FREM3: variants seen among roughly 807,000 people sequenced by gnomAD.
The protein encoded by FREM3 is FRAS1 related extracellular matrix 3, also known as FRAS1-related extracellular matrix protein 3.
FREM3 carries 105 observed loss-of-function variants against 129.1 expected under a neutral mutation model. The observed-to-expected ratio is 0.81, with a 90% CI of 0.69 to 0.96. FREM3 has a LOEUF of 0.96. Among genes scored for constraint, FREM3 ranks in the 40% least tolerant of loss-of-function variants. The pLI is 0.00. For missense variants in FREM3, 2,593 were observed against 2,666.3 expected (o/e 0.97, Z 0.61); for synonymous variants, 1,014 against 1,044.9 (o/e 0.97, Z 0.57).
Position 143,577,522 on chromosome 4 carries a change from T to TC in FREM3, c.*88dup. ...CAATGACAGTACAATATCACTGATA[T>TC]CCCAGAATTGCTAAGATCTATAAAC... is the stretch of plus-strand genomic sequence containing the variant. On this transcript the variant is annotated 3_prime_UTR_variant, in exon 8 of 8. Transcript: ENST00000329798. 1 of 1,246,106 alleles carries TC rather than the reference T, an allele frequency of 8.0e-7. No homozygotes were observed. Among genetic ancestry groups the TC allele is most frequent in the Non-Finnish European group, 1.1e-6 (1 of 916,262 alleles). The allele number at this position is 1,246,106 out of a possible 1,614,324, so 77.2% of individuals were successfully genotyped here.
At chr4:143,693,549 A>G (rs1210934982) in intron 1 of FREM3, among the ~76,000 whole-genome samples, 1 of 152,228 alleles carries the variant, frequency 6.6e-6, no homozygotes, top group East Asian at 1.9e-4. Flanking sequence ...GAGATTCCTC[A>G]GAGAGCTAAA....
At chr4:143,686,751 T>C (rs953493761) in intron 2 of FREM3, among the ~76,000 whole-genome samples, 2 of 152,120 alleles carry the variant, frequency 1.3e-5, no homozygotes, top group African/African-American at 4.8e-5. Flanking sequence ...AAAATCAAGA[T>C]GGAAATTAAA....
chr4:143,577,445 T>C lies in FREM3; in HGVS notation c.*166A>G. On this transcript the variant is annotated 3_prime_UTR_variant, in exon 8 of 8. Transcript: ENST00000329798. ...TGTTTTCTAGGTATATATATTTCTA[T>C]CTCCATGCAGTCATATAAATTACAT... is the stretch of plus-strand genomic sequence containing the variant. The C allele has an allele frequency of 3.3e-6, 2 of 614,888 alleles. No individual in the cohort carries two copies. The highest frequency in any genetic ancestry group is 5.5e-6 in the Non-Finnish European group (2 of 361,582). 38.1% of individuals were successfully genotyped at this position (614,888 alleles called of 1,614,324 possible).
intron 6 of FREM3, among the ~76,000 whole-genome samples, chr4:143,590,812 G>A (rs1418663723): frequency 6.6e-6 from 1 of 152,098 alleles, no homozygotes; most frequent in Non-Finnish European, 1.5e-5. Context: ...CAGAAGAAAT[G>A]GTACCAGCTC....
At chr4:143,645,952 C>T (rs1356779652) in intron 2 of FREM3, among the ~76,000 whole-genome samples, 1 of 152,060 alleles carries the variant, frequency 6.6e-6, no homozygotes, top group East Asian at 1.9e-4. Flanking sequence ...GTTTTGTTTG[C>T]TTGTTTTAAT....
chr4:143,660,865 T>C (rs927263416), intron 2 of FREM3, among the ~76,000 whole-genome samples: 2 of 152,222 alleles, frequency 1.3e-5, no homozygotes, highest in African/African-American at 4.8e-5. Context: ...GGGAGTTCAC[T>C]CATGATTTGG....
intron 1 of FREM3, among the ~76,000 whole-genome samples, chr4:143,693,567 C>A (rs1430386254): frequency 6.6e-6 from 1 of 152,162 alleles, no homozygotes; most frequent in Non-Finnish European, 1.5e-5. Flanking sequence ...AAAAACAGAA[C>A]TATCATTCAA....
chr4:143,681,474 G>C (rs1740248942), intron 2 of FREM3, among the ~76,000 whole-genome samples: 3 of 152,112 alleles, frequency 2.0e-5, no homozygotes, highest in Admixed American at 1.3e-4. Context: ...GCACAGTTCA[G>C]AGCTTTAGAA....
chr4:143,643,812 C>T (rs747400134), intron 2 of FREM3, among the ~76,000 whole-genome samples: 26 of 152,124 alleles, frequency 1.7e-4, no homozygotes, highest in Middle Eastern at 3.4e-3. Flanking sequence ...AGAAGAGAGG[C>T]TTTTGAATGT....
At chr4:143,597,846 A>T (rs1349557981) in intron 6 of FREM3, among the ~76,000 whole-genome samples, 3 of 152,272 alleles carry the variant, frequency 2.0e-5, no homozygotes, top group Admixed American at 6.5e-5. Flanking sequence ...ACAGATTCAA[A>T]TACCACATAA....
intron 2 of FREM3, among the ~76,000 whole-genome samples, chr4:143,671,311 G>A (rs757435357): frequency 9.2e-5 from 14 of 151,952 alleles, no homozygotes; most frequent in Admixed American, 2.6e-4. Context: ...CTCCCTCTCC[G>A]CTTTAACTCG....
intron 2 of FREM3, among the ~76,000 whole-genome samples, chr4:143,660,980 T>C (rs1048777862): frequency 2.0e-5 from 3 of 152,194 alleles, no homozygotes; most frequent in African/African-American, 4.8e-5. Flanking sequence ...TAAGGAGATT[T>C]TGGGTTGAGA....
chr4:143,584,058 A>G (rs1738193931), intron 7 of FREM3, among the ~76,000 whole-genome samples: 3 of 152,258 alleles, frequency 2.0e-5, no homozygotes, highest in Non-Finnish European at 2.9e-5. Flanking sequence ...GCTGTCTTCA[A>G]AAGACCCATC....
At chr4:143,638,051 A>C (rs1739263105) in intron 2 of FREM3, among the ~76,000 whole-genome samples, 1 of 152,116 alleles carries the variant, frequency 6.6e-6, no homozygotes, top group South Asian at 2.1e-4. Flanking sequence ...GAGAATAAAA[A>C]CCCAATATGT....
intron 2 of FREM3, among the ~76,000 whole-genome samples, chr4:143,641,047 A>G (rs1325314513): frequency 1.6e-4 from 25 of 152,234 alleles, no homozygotes; most frequent in Admixed American, 1.6e-3. Flanking sequence ...TGTACATCTT[A>G]GAAACACCTG....
In FREM3 at chr4:143,691,952, T is replaced by G. The variant is rs147829598; in HGVS notation, c.5275+1161A>C. Reference sequence around the variant, plus strand: ...TCATCTTTTTAGTAACTTATGGTTCTTGAGAACTTGGGAAAGGGAAGGAAG... The same window carrying G: ...TCATCTTTTTAGTAACTTATGGTTCGTGAGAACTTGGGAAAGGGAAGGAAG... On this transcript the variant is annotated intron_variant, in intron 2 of 7. Coordinates refer to ENST00000329798, the MANE Select transcript of FREM3 (RefSeq NM_001168235.2). Among the ~76,000 whole-genome samples, 516 of 152,326 alleles carry G rather than the reference T, an allele frequency of 3.4e-3. 5 individuals are homozygous for G. Among genetic ancestry groups the G allele is most frequent in the African/African-American group, 0.012 (506 of 41,582 alleles).
At chr4:143,633,140 A>G (rs1000888532) in intron 2 of FREM3, among the ~76,000 whole-genome samples, 2 of 152,162 alleles carry the variant, frequency 1.3e-5, no homozygotes, top group African/African-American at 2.4e-5. Context: ...GCAGAGATCT[A>G]GTGTCCAGTG....
At chr4:143,641,026 C>T (rs544602789) in intron 2 of FREM3, among the ~76,000 whole-genome samples, 1 of 152,080 alleles carries the variant, frequency 6.6e-6, no homozygotes, top group Non-Finnish European at 1.5e-5. Flanking sequence ...TTCCTGAAAG[C>T]CATAATGCAC....
chr4:143,638,946 T>C (rs1052846828), intron 2 of FREM3, among the ~76,000 whole-genome samples: 40 of 152,266 alleles, frequency 2.6e-4, no homozygotes, highest in Middle Eastern at 3.4e-3. Flanking sequence ...GTCGATCTTG[T>C]GATTGCTGTG....
Sources: allele counts gnomAD v4.1 joint callset (sites outside exome capture counted in the v4.1 genomes callset), GRCh38; gene constraint gnomAD v4.1.1; transcripts MANE v1.5; gene names NCBI Gene and HGNC (gene_info 2026-07-23, HGNC 2026-07-21).